Variants in SPAG16 observed in about 807,000 individuals in gnomAD.
SPAG16 encodes sperm associated antigen 16.
In SPAG16, 86 loss-of-function variants were observed where a neutral mutation model predicts 80.4. That is an observed-to-expected ratio of 1.07 (90% confidence interval 0.90 to 1.28). The LOEUF (loss-of-function observed/expected upper bound fraction) is 1.28, where lower values mean the gene tolerates loss of function less well. SPAG16 is among the 50% of genes most tolerant of loss of function. The pLI, the probability that SPAG16 is intolerant of heterozygous loss-of-function variation, is 0.00. For missense variants in SPAG16, 870 were observed against 765.3 expected (o/e 1.14, Z -1.61); for synonymous variants, 294 against 265.9 (o/e 1.11, Z -1.03).
chr2:213,602,802 C>T (rs1012440630), intron 10 of SPAG16, among the ~76,000 whole-genome samples: 1 of 152,120 alleles, frequency 6.6e-6, no homozygotes, highest in Non-Finnish European at 1.5e-5. Flanking sequence ...ATATTGAACT[C>T]TTTATTGAAT....
At chr2:214,005,153 T>G (rs1341305072) in intron 12 of SPAG16, among the ~76,000 whole-genome samples, 2 of 152,208 alleles carry the variant, frequency 1.3e-5, no homozygotes. Flanking sequence ...TCCAGTTTAC[T>G]GCCAAGCTTC....
intron 15 of SPAG16, among the ~76,000 whole-genome samples, chr2:214,366,083 A>T (rs1699463360): frequency 6.6e-6 from 1 of 151,322 alleles, no homozygotes; most frequent in Admixed American, 6.6e-5. Flanking sequence ...AATTCAAGTG[A>T]TTCTTCTGCC....
intron 9 of SPAG16, among the ~76,000 whole-genome samples, chr2:213,428,598 G>C: frequency 6.6e-6 from 1 of 152,204 alleles, no homozygotes; most frequent in East Asian, 1.9e-4. Context: ...TGCTCCAGCT[G>C]TGGGCATTTT....
chr2:213,735,532 A>T (rs1559422142), intron 10 of SPAG16, among the ~76,000 whole-genome samples: 1 of 152,136 alleles, frequency 6.6e-6, no homozygotes. Context: ...ATTGTTTCCC[A>T]GGTTGCACTG....
chr2:213,717,407 G>A (rs2125380585), intron 10 of SPAG16, among the ~76,000 whole-genome samples: 1 of 152,116 alleles, frequency 6.6e-6, no homozygotes, highest in Non-Finnish European at 1.5e-5. Context: ...TGATCCGCCC[G>A]CCTCAGCTTC....
At chr2:213,647,602 G>A (rs938518173) in intron 10 of SPAG16, among the ~76,000 whole-genome samples, 7 of 151,774 alleles carry the variant, frequency 4.6e-5, no homozygotes, top group Admixed American at 2.6e-4. Flanking sequence ...ATCTCTGCTC[G>A]CCCATCTTTT....
At chr2:213,482,614 T>G (rs1271027708) in intron 9 of SPAG16, among the ~76,000 whole-genome samples, 1 of 152,096 alleles carries the variant, frequency 6.6e-6, no homozygotes, top group Non-Finnish European at 1.5e-5. Flanking sequence ...GAGATTTAGG[T>G]TTAGGTATAA....
intron 1 of SPAG16, 126 bp downstream of exon 1, chr2:213,284,745 C>T (rs1176239706): frequency 1.5e-6 from 2 of 1,335,400 alleles, no homozygotes; most frequent in African/African-American, 3.0e-5. Context: ...CTCTGTTGGA[C>T]TTCAAGGTGC....
rs145149816 is a variant in SPAG16 at position 213,604,590 on chromosome 2, T to A, written c.1070+114500T>A. Among the ~76,000 whole-genome samples, 10 of 152,320 alleles carry A rather than the reference T, an allele frequency of 6.6e-5. 1 individual carries two copies. The highest frequency in any genetic ancestry group is 2.4e-4 in the African/African-American group (10 of 41,590). On this transcript the variant is annotated intron_variant, in intron 10 of 15. Transcript: ENST00000331683. ...TTAGTCCATTTTTGTTAAAAACTTA[T>A]GGGCACTGTCTTATTATATAAATCT...
chr2:214,156,794 T>TA (rs1041733295), intron 15 of SPAG16, among the ~76,000 whole-genome samples: 1 of 152,044 alleles, frequency 6.6e-6, no homozygotes, highest in African/African-American at 2.4e-5. Context: ...ACCTTGTCTC[T>TA]AAAAAACAAA....
chr2:213,296,406 G>C (rs566379736), intron 2 of SPAG16, among the ~76,000 whole-genome samples: 7 of 152,188 alleles, frequency 4.6e-5, no homozygotes, highest in African/African-American at 1.7e-4. Context: ...CTCTGTTCAG[G>C]AGGCACTTCC....
chr2:213,976,856 A>G (rs2106400015), intron 12 of SPAG16, among the ~76,000 whole-genome samples: 1 of 151,556 alleles, frequency 6.6e-6, no homozygotes, highest in African/African-American at 2.4e-5. Flanking sequence ...TTTTCCTAAA[A>G]CCTCACTATA....
At chr2:213,822,316 A>C (rs1315590722) in intron 10 of SPAG16, among the ~76,000 whole-genome samples, 1 of 152,096 alleles carries the variant, frequency 6.6e-6, no homozygotes, top group Non-Finnish European at 1.5e-5. Flanking sequence ...CCAGTTTGCC[A>C]TTTGTATATC....
At chr2:213,970,540 A>C (rs2044984405) in intron 12 of SPAG16, among the ~76,000 whole-genome samples, 1 of 152,080 alleles carries the variant, frequency 6.6e-6, no homozygotes, top group African/African-American at 2.4e-5. Flanking sequence ...GAACACAAGC[A>C]ATCTGCCCAA....
intron 15 of SPAG16, among the ~76,000 whole-genome samples, chr2:214,293,225 A>C (rs566180575): frequency 5.9e-5 from 9 of 152,340 alleles, no homozygotes; most frequent in African/African-American, 1.7e-4. Flanking sequence ...TGTGGTGTGC[A>C]TAATGGCATA....
intron 15 of SPAG16, among the ~76,000 whole-genome samples, chr2:214,361,004 A>G (rs936726365): frequency 6.6e-6 from 1 of 151,692 alleles, no homozygotes; most frequent in African/African-American, 2.4e-5. Context: ...TGTAGTGTCA[A>G]CTCTAGTCTT....
chr2:213,333,826 T>C (rs2064217311), intron 5 of SPAG16, among the ~76,000 whole-genome samples: 2 of 152,200 alleles, frequency 1.3e-5, no homozygotes, highest in South Asian at 4.1e-4. Context: ...TGGAATACTA[T>C]GTCTCATCAT....
chr2:213,291,548 C>G (rs1250305955), intron 1 of SPAG16, among the ~76,000 whole-genome samples: 1 of 152,120 alleles, frequency 6.6e-6, no homozygotes, highest in African/African-American at 2.4e-5. Context: ...GAGTCTGTAG[C>G]CTGTAGCTCT....
At chr2:214,168,977 G>A (rs1449405388) in intron 15 of SPAG16, among the ~76,000 whole-genome samples, 2 of 151,980 alleles carry the variant, frequency 1.3e-5, no homozygotes, top group African/African-American at 2.4e-5. Context: ...ATTAAACATT[G>A]AATTAAATAT....
Sources: gnomAD v4.1 joint callset for allele counts (sites outside exome capture counted in the v4.1 genomes callset) on GRCh38, gnomAD v4.1.1 for gene constraint, MANE v1.5 for transcripts, NCBI Gene and HGNC (gene_info 2026-07-23, HGNC 2026-07-21) for gene names.